Variants in PAPOLG observed in about 807,000 individuals in gnomAD.
The protein encoded by PAPOLG is PAP-gamma.
A neutral mutation model predicts 99.0 loss-of-function variants in PAPOLG; 40 were observed. The observed-to-expected ratio is 0.40, with a 90% CI of 0.31 to 0.53. PAPOLG has a LOEUF of 0.53. Among genes scored for constraint, PAPOLG ranks in the 20% least tolerant of loss-of-function variants. The pLI is 0.41. For synonymous variants in PAPOLG, 310 were observed against 299.3 expected (o/e 1.04, Z -0.37); for missense variants, 675 against 884.1 (o/e 0.76, Z 3.00).
intron 21 of PAPOLG, among the ~76,000 whole-genome samples, chr2:60,796,339 A>G (rs902880512): frequency 6.7e-6 from 1 of 149,924 alleles, no homozygotes; most frequent in African/African-American, 2.5e-5. Context: ...GGGTTTCACC[A>G]TATTGGCCAG....
At position 60,756,473 on chromosome 2, in the gene PAPOLG, G is replaced by A; in HGVS notation, c.-6G>A. The stretch of plus-strand genomic sequence containing the variant: ...ACACTCGCTGGAGAGGGAGACGCAG[G>A]AAGCGATGAAAGAGATGTCTGCGTA... On this transcript the variant is annotated 5_prime_UTR_variant, in exon 1 of 22. Coordinates refer to ENST00000238714, the MANE Select transcript of PAPOLG (RefSeq NM_022894.4). 1 of 1,599,532 alleles carries A rather than the reference G, an allele frequency of 6.3e-7. No homozygotes were observed. The highest frequency in any genetic ancestry group is 2.3e-5 in the East Asian group (1 of 44,034).
chr2:60,795,647 GATAA>G (rs1417494436), intron 21 of PAPOLG, among the ~76,000 whole-genome samples: 1 of 150,674 alleles, frequency 6.6e-6, no homozygotes, highest in African/African-American at 2.4e-5. Context: ...TTATAATAAT[GATAA>G]ATAATTATAA....
intron 2 of PAPOLG, among the ~76,000 whole-genome samples, chr2:60,761,501 AT>A (rs943806066): frequency 6.6e-6 from 1 of 152,142 alleles, no homozygotes; most frequent in African/African-American, 2.4e-5. Context: ...GGCTTTTTGA[AT>A]TTTTGAAAAT....
At position 60,769,036 on chromosome 2, in the gene PAPOLG, CATG is replaced by C. The variant is rs1248887495; in HGVS notation, c.438+149_438+151del. On this transcript the variant is annotated intron_variant, in intron 5 of 21. Coordinates refer to ENST00000238714, the MANE Select transcript of PAPOLG (RefSeq NM_022894.4). ...TAGCTTTAATAAGTGATGATTAAAT[CATG>C]ATTAAGAACATGGGCCTTAGAGTTA... 8 of 662,522 alleles carry C rather than the reference CATG, an allele frequency of 1.2e-5. No individual in the cohort carries two copies. In the Admixed American group the frequency reaches 2.8e-4, roughly 23 times the overall value. 41.0% of individuals were successfully genotyped at this position (662,522 alleles called of 1,614,324 possible). A position where few individuals can be genotyped will look rare whatever the true frequency, so the allele number is the denominator to read the frequency against.
chr2:60,768,997 G>A (rs959368095), intron 5 of PAPOLG, 107 bp downstream of exon 5: 29 of 822,934 alleles, frequency 3.5e-5, no homozygotes, highest in Non-Finnish European at 5.3e-5. Context: ...CTATTAGGAG[G>A]TATTTAATAA....
intron 13 of PAPOLG, among the ~76,000 whole-genome samples, chr2:60,786,366 G>A (rs1254918040): frequency 1.3e-5 from 2 of 151,708 alleles, no homozygotes; most frequent in Non-Finnish European, 2.9e-5. Flanking sequence ...GAGTAGCTGG[G>A]AATATAGGTG....
chr2:60,797,193 A>T lies in PAPOLG; in HGVS notation c.*33A>T. The T allele has an allele frequency of 6.2e-7, 1 of 1,610,498 alleles. No homozygotes were observed. Among genetic ancestry groups the T allele is most frequent in the Non-Finnish European group, 8.5e-7 (1 of 1,176,978 alleles). Reference sequence around the variant, plus strand: ...GCCTCCTCACTTAAGTGAACAAGCAATCATTTAGTGGCATAGATGCAGCCA... The same window carrying T: ...GCCTCCTCACTTAAGTGAACAAGCATTCATTTAGTGGCATAGATGCAGCCA... On this transcript the variant is annotated 3_prime_UTR_variant, in exon 22 of 22. Coordinates refer to ENST00000238714, the MANE Select transcript of PAPOLG (RefSeq NM_022894.4).
chr2:60,770,614 A>G (rs1237316118), intron 6 of PAPOLG, 103 bp downstream of exon 6: 2 of 728,264 alleles, frequency 2.7e-6, no homozygotes, highest in South Asian at 4.6e-5. Flanking sequence ...TAAAAAATCA[A>G]GTAATCTCTT....
chr2:60,794,806 T>A (rs184908520), intron 20 of PAPOLG, 31 bp downstream of exon 20: 168 of 1,564,130 alleles, frequency 1.1e-4, no homozygotes, highest in Non-Finnish European at 6.2e-6. Context: ...CTTCAGAATA[T>A]TTATTGTAAA....
chr2:60,782,650 CTTCT>C, intron 11 of PAPOLG, 32 bp from the exon 12 acceptor site: 7 of 1,236,788 alleles, frequency 5.7e-6, no homozygotes, highest in Non-Finnish European at 7.2e-6. Flanking sequence ...AATCATTCTT[CTTCT>C]TTTTTTTTTT....
intron 13 of PAPOLG, 142 bp downstream of exon 13, chr2:60,783,351 A>G (rs1206512787): frequency 7.0e-6 from 3 of 430,224 alleles, no homozygotes; most frequent in Non-Finnish European, 1.1e-5. Flanking sequence ...TTTTGAGACA[A>G]AGTCTCTGTT....
At chr2:60,770,424 A>G in intron 5 of PAPOLG, 34 bp from the exon 6 acceptor site, 10 of 1,557,664 alleles carry the variant, frequency 6.4e-6, no homozygotes, top group Non-Finnish European at 8.7e-6. Context: ...AAGGGATTAC[A>G]CCTATGTGTT....
chr2:60,759,735 T>G (rs957520319), intron 1 of PAPOLG, among the ~76,000 whole-genome samples: 1 of 152,238 alleles, frequency 6.6e-6, no homozygotes, highest in Non-Finnish European at 1.5e-5. Context: ...TACTAAAAGC[T>G]TTATTTCAAG....
intron 13 of PAPOLG, among the ~76,000 whole-genome samples, chr2:60,785,157 G>T (rs1389893074): frequency 8.1e-5 from 12 of 148,794 alleles, no homozygotes; most frequent in African/African-American, 9.9e-5. Flanking sequence ...TTTTTTTTTT[G>T]ATATGGAGTC....
At chr2:60,784,506 A>T (rs1464446180) in intron 13 of PAPOLG, among the ~76,000 whole-genome samples, 1 of 152,174 alleles carries the variant, frequency 6.6e-6, no homozygotes, top group Admixed American at 6.5e-5. Context: ...AAGCTGTTAG[A>T]CCACCAGAGA....
At chr2:60,767,071 G>A (rs1285454249) in intron 3 of PAPOLG, among the ~76,000 whole-genome samples, 2 of 152,200 alleles carry the variant, frequency 1.3e-5, no homozygotes, top group African/African-American at 2.4e-5. Context: ...CTAGAATTAG[G>A]GGAGTAGTCG....
chr2:60,784,420 A>T (rs549736221), intron 13 of PAPOLG, among the ~76,000 whole-genome samples: 1 of 152,356 alleles, frequency 6.6e-6, no homozygotes, highest in South Asian at 2.1e-4. Context: ...GTCAAGAAGT[A>T]GTGTGTTCTT....
At chr2:60,780,086 A>G (rs1194997825) in intron 9 of PAPOLG, among the ~76,000 whole-genome samples, 1 of 152,202 alleles carries the variant, frequency 6.6e-6, no homozygotes, top group Non-Finnish European at 1.5e-5. Context: ...ACATTGATAT[A>G]TTAGTATTTT....
chr2:60,796,337 C>G (rs1039347562), intron 21 of PAPOLG, among the ~76,000 whole-genome samples: 1 of 150,084 alleles, frequency 6.7e-6, no homozygotes, highest in Non-Finnish European at 1.5e-5. Context: ...AAGGGTTTCA[C>G]CATATTGGCC....
Sources: allele counts gnomAD v4.1 joint callset (sites outside exome capture counted in the v4.1 genomes callset), GRCh38; gene constraint gnomAD v4.1.1; transcripts MANE v1.5; gene names NCBI Gene and HGNC (gene_info 2026-07-23, HGNC 2026-07-21).